Variants in AP4S1 observed in about 807,000 individuals in gnomAD.
AP4S1 encodes AP-4 complex subunit sigma-1.
A neutral mutation model predicts 19.8 loss-of-function variants in AP4S1; 23 were observed. The observed-to-expected ratio is 1.16, with a 90% CI of 0.84 to 1.65. The LOEUF is 1.65. Among genes scored for constraint, AP4S1 ranks in the 40% most tolerant of loss-of-function variants. AP4S1 has a pLI of 0.00. For missense variants in AP4S1, 166 were observed against 172.8 expected (o/e 0.96, Z 0.22); for synonymous variants, 46 against 54.1 (o/e 0.85, Z 0.66).
chr14:31,069,876 A>T lies in AP4S1; in HGVS notation c.172A>T (p.Ile58Leu). ...CATTGAATATAAGGATTTTAAGCTG[A>T]TATATCGGCAGTATGCAGCTCTCTT... ...SFIEYKDFKL[I>L]YRQYAALFIV... Residue 58 changes from isoleucine (I) to leucine (L), a missense_variant, in exon 3 of 6, where the codon ATA becomes TTA. Physicochemically the swap from Ile to Leu is conservative, Grantham distance 5. Transcript: ENST00000542754. 1 of 1,613,618 alleles carries T rather than the reference A, an allele frequency of 6.2e-7. No homozygotes were observed. The highest frequency in any genetic ancestry group is 8.5e-7 in the Non-Finnish European group (1 of 1,179,524).
chr14:31,073,058 G>GT, intron 4 of AP4S1, 85 bp downstream of exon 4: 1 of 1,122,390 alleles, frequency 8.9e-7, no homozygotes, highest in Non-Finnish European at 1.4e-6. Context: ...TCAAGAACAT[G>GT]TGTTAATACA....
chr14:31,092,805 C>A, intron 5 of AP4S1, 102 bp from the exon 6 acceptor site: 1 of 853,912 alleles, frequency 1.2e-6, no homozygotes, highest in Non-Finnish European at 1.7e-6. Context: ...AAACCTCATG[C>A]TTAGGCTAAT....
At chr14:31,035,892 G>A (rs1282876909) in intron 1 of AP4S1, among the ~76,000 whole-genome samples, 6 of 151,720 alleles carry the variant, frequency 4.0e-5, no homozygotes, top group African/African-American at 7.3e-5. Context: ...CACAAGGCCC[G>A]GCTAATTTTT....
Position 31,073,273 on chromosome 14 carries a change from A to G in AP4S1, c.294+300A>G, listed in dbSNP as rs113522956. ...TGGGAGGCTAAGGTGGGCAGATCAC[A>G]AGGTCAGGAGATGGAGACCATCCTG... On this transcript the variant is annotated intron_variant, in intron 4 of 5. Coordinates refer to ENST00000542754, the MANE Select transcript of AP4S1 (RefSeq NM_001128126.3). The G allele has an allele frequency of 0.23, 75,193 of 330,738 alleles. 10,006 individuals carry two copies. The highest frequency in any genetic ancestry group is 0.33 in the South Asian group (12,058 of 36,810). The allele number at this position is 330,738 out of a possible 1,614,324, so 20.5% of individuals were successfully genotyped here.
At chr14:31,049,463 G>A (rs993752253) in intron 1 of AP4S1, among the ~76,000 whole-genome samples, 353 of 39,382 alleles carry the variant, frequency 9.0e-3, no homozygotes, top group East Asian at 0.017. Context: ...ATATATATAT[G>A]TATATATATG....
intron 1 of AP4S1, among the ~76,000 whole-genome samples, chr14:31,052,825 G>T (rs564272746): frequency 6.7e-6 from 1 of 149,744 alleles, no homozygotes; most frequent in African/African-American, 2.5e-5. Context: ...CAATCTAAAA[G>T]ACCAGTAAAA....
intron 4 of AP4S1, among the ~76,000 whole-genome samples, chr14:31,077,037 C>G (rs1566541517): frequency 6.6e-6 from 1 of 152,158 alleles, no homozygotes; most frequent in African/African-American, 2.4e-5. Flanking sequence ...TCAAGCGATT[C>G]TCATGCCTCA....
intron 1 of AP4S1, among the ~76,000 whole-genome samples, chr14:31,053,186 C>A: frequency 6.6e-6 from 1 of 152,086 alleles, no homozygotes; most frequent in Non-Finnish European, 1.5e-5. Flanking sequence ...GGTGATCCAC[C>A]CACTTCAGCC....
At chr14:31,071,929 TTG>T (rs1491312705) in intron 3 of AP4S1, among the ~76,000 whole-genome samples, 48 of 150,616 alleles carry the variant, frequency 3.2e-4, no homozygotes, top group East Asian at 2.5e-3. Flanking sequence ...TTGATTTTTT[TTG>T]GGGGGGTGGG....
intron 1 of AP4S1, among the ~76,000 whole-genome samples, chr14:31,045,240 G>A (rs1268321691): frequency 6.6e-6 from 1 of 152,074 alleles, no homozygotes; most frequent in Non-Finnish European, 1.5e-5. Flanking sequence ...TAGGTATAAT[G>A]TATATACCAT....
chr14:31,082,578 C>T (rs1227870594), intron 5 of AP4S1, among the ~76,000 whole-genome samples: 1 of 152,194 alleles, frequency 6.6e-6, no homozygotes, highest in African/African-American at 2.4e-5. Flanking sequence ...ATAACCCGCT[C>T]ATCTTAAAAT....
intron 1 of AP4S1, among the ~76,000 whole-genome samples, chr14:31,055,437 A>T (rs1376786244): frequency 6.6e-6 from 1 of 152,160 alleles, no homozygotes; most frequent in Non-Finnish European, 1.5e-5. Flanking sequence ...AATGTTACAT[A>T]TCCTAACTCC....
chr14:31,047,841 C>T (rs987353449), intron 1 of AP4S1, among the ~76,000 whole-genome samples: 5 of 152,050 alleles, frequency 3.3e-5, no homozygotes, highest in African/African-American at 1.2e-4. Context: ...GTGACTGCCA[C>T]ACCCGGTTAA....
At chr14:31,031,382 A>C (rs1884378719) in intron 1 of AP4S1, among the ~76,000 whole-genome samples, 1 of 152,186 alleles carries the variant, frequency 6.6e-6, no homozygotes, top group South Asian at 2.1e-4. Flanking sequence ...CCTCTTGTTC[A>C]AAACTGTACC....
rs577435488 is a variant in AP4S1 at position 31,085,270 on chromosome 14, T to C, written c.306+4686T>C. The stretch of plus-strand genomic sequence containing the variant: ...TATCCCAGAACCTGCCACCATGGCC[T>C]CTGCAAGCCTCTCCTCCACCTTCAC... On this transcript the variant is annotated intron_variant, in intron 5 of 5. Coordinates refer to ENST00000542754, the MANE Select transcript of AP4S1 (RefSeq NM_001128126.3). 7.5e-5 allele frequency: 76 copies of C among 1,014,798 alleles called. 1 individual carries two copies. In the South Asian group the frequency reaches 3.0e-3, roughly 39 times the overall value. 62.9% of individuals were successfully genotyped at this position (1,014,798 alleles called of 1,614,324 possible).
intron 2 of AP4S1, among the ~76,000 whole-genome samples, chr14:31,067,921 T>C (rs1594683707): frequency 6.6e-6 from 1 of 150,800 alleles, no homozygotes; most frequent in Admixed American, 6.6e-5. Context: ...CAGGCTGGAG[T>C]GCAACGGCAC....
chr14:31,036,762 G>T (rs1383626395), intron 1 of AP4S1, among the ~76,000 whole-genome samples: 2 of 152,116 alleles, frequency 1.3e-5, no homozygotes, highest in African/African-American at 4.8e-5. Flanking sequence ...TTTTTTAGGT[G>T]ATGACTTAGT....
intron 1 of AP4S1, among the ~76,000 whole-genome samples, chr14:31,046,256 CAGA>C (rs1297670590): frequency 1.3e-5 from 2 of 152,048 alleles, no homozygotes; most frequent in Non-Finnish European, 2.9e-5. Flanking sequence ...CACACCCAGC[CAGA>C]AGATTTTTTA....
intron 4 of AP4S1, among the ~76,000 whole-genome samples, chr14:31,076,832 T>TA (rs1275047735): frequency 6.6e-6 from 1 of 152,228 alleles, no homozygotes; most frequent in African/African-American, 2.4e-5. Context: ...ACCAGTCTTT[T>TA]AAAAAAGAAT....
Sources: allele counts gnomAD v4.1 joint callset (sites outside exome capture counted in the v4.1 genomes callset), GRCh38; gene constraint gnomAD v4.1.1; transcripts MANE v1.5; gene names NCBI Gene and HGNC (gene_info 2026-07-23, HGNC 2026-07-21).